Variants in DNAH11 observed in about 807,000 individuals in gnomAD.
The protein encoded by DNAH11 is axonemal beta dynein heavy chain 11.
A neutral mutation model predicts 526.0 loss-of-function variants in DNAH11; 442 were observed. The ratio of observed to expected loss-of-function variants is 0.84; its 90% CI spans 0.78 to 0.91. The LOEUF is 0.91. DNAH11 is among the 40% of genes least tolerant of loss of function. DNAH11 has a pLI of 0.00. For missense variants in DNAH11, 6,989 were observed against 5,448.7 expected, an observed-to-expected ratio of 1.28 and a Z score of -8.90; for synonymous variants, 2,461 against 1,935.9, an observed-to-expected ratio of 1.27 and a Z score of -7.12.
At chr7:21,643,624 T>A (rs1372709574) in intron 28 of DNAH11, among the ~76,000 whole-genome samples, 2 of 152,206 alleles carry the variant, frequency 1.3e-5, no homozygotes, top group African/African-American at 4.8e-5. Flanking sequence ...ATCCAAAAAT[T>A]GATATTTGAT....
At chr7:21,557,952 A>AATG (rs1160705381) in intron 2 of DNAH11, among the ~76,000 whole-genome samples, 1 of 152,176 alleles carries the variant, frequency 6.6e-6, no homozygotes, top group East Asian at 1.9e-4. Flanking sequence ...AGGTAATAAT[A>AATG]ATATTTGGAG....
chr7:21,669,346 T>A (rs1008846304), intron 30 of DNAH11, among the ~76,000 whole-genome samples: 64 of 152,160 alleles, frequency 4.2e-4, no homozygotes, highest in Middle Eastern at 3.2e-3. Context: ...TTAAACATTT[T>A]AAAAATTCTT....
At chr7:21,853,218 G>T (rs1469570951) in intron 67 of DNAH11, among the ~76,000 whole-genome samples, 1 of 152,156 alleles carries the variant, frequency 6.6e-6, no homozygotes, top group Non-Finnish European at 1.5e-5. Flanking sequence ...GTGCACTTTG[G>T]ACTTTCACAG....
In DNAH11 at chr7:21,600,910, C is replaced by G. The variant is rs1785059105; in HGVS notation, c.3235C>G (p.Leu1079Val). Residue 1079 changes from leucine (L) to valine (V), a missense_variant, in exon 16 of 82, where the codon CTT becomes GTT. Coordinates refer to ENST00000409508, the MANE Select transcript of DNAH11 (RefSeq NM_001277115.2). ...AGAAATTCCCGAACAACCACCAACT[C>G]TTGAGCAATTCAAAGAACAGGCAAG... is the stretch of plus-strand genomic sequence containing the variant. The part of the protein sequence containing the change: ...NEEIPEQPPT[L>V]EQFKEQIDIY... The G allele has an allele frequency of 1.2e-6, 2 of 1,613,666 alleles. No homozygotes were observed. The highest frequency in any genetic ancestry group is 1.7e-5 in the Admixed American group (1 of 59,972).
chr7:21,675,510 C>T lies in DNAH11; in HGVS notation c.5329-6036C>T, dbSNP rs566564002. Among the ~76,000 whole-genome samples, 16 of 152,330 alleles carry T rather than the reference C, an allele frequency of 1.1e-4. No individual in the cohort carries two copies. The East Asian group carries it at 1.2e-3, about 11-fold the overall frequency. Reference sequence around the variant, plus strand: ...TTTCTGTGTGCTGTCAGCATACTTTCTACTTGCCCTAGCAAAACAATTTTA... The same window carrying T: ...TTTCTGTGTGCTGTCAGCATACTTTTTACTTGCCCTAGCAAAACAATTTTA... On this transcript the variant is annotated intron_variant, in intron 30 of 81. Coordinates refer to ENST00000409508, the MANE Select transcript of DNAH11 (RefSeq NM_001277115.2).
chr7:21,677,753 G>A (rs1782955724), intron 30 of DNAH11, among the ~76,000 whole-genome samples: 1 of 152,162 alleles, frequency 6.6e-6, no homozygotes, highest in Non-Finnish European at 1.5e-5. Context: ...AAGATCTTTT[G>A]ACTTTTTTAT....
At chr7:21,841,282 A>G (rs1554287362) in intron 65 of DNAH11, among the ~76,000 whole-genome samples, 1 of 152,244 alleles carries the variant, frequency 6.6e-6, no homozygotes, top group Non-Finnish European at 1.5e-5. Context: ...TATTAAATAC[A>G]TACTTAAGAT....
At chr7:21,571,391 C>G (rs530123327) in intron 7 of DNAH11, among the ~76,000 whole-genome samples, 1 of 152,068 alleles carries the variant, frequency 6.6e-6, no homozygotes, top group African/African-American at 2.4e-5. Context: ...GTGATCCTCC[C>G]GCCTCAGCTT....
chr7:21,788,997 A>G (rs1364517000), intron 60 of DNAH11, among the ~76,000 whole-genome samples: 1 of 152,144 alleles, frequency 6.6e-6, no homozygotes, highest in Non-Finnish European at 1.5e-5. Context: ...ACCATGTCTG[A>G]AAAATAACAG....
chr7:21,582,497 A>G (rs1462423865), intron 9 of DNAH11, among the ~76,000 whole-genome samples: 3 of 152,236 alleles, frequency 2.0e-5, no homozygotes, highest in Non-Finnish European at 4.4e-5. Flanking sequence ...ATTTTGTGTA[A>G]CAATAAAAAA....
chr7:21,686,764 T>C (rs1040845662), intron 32 of DNAH11, among the ~76,000 whole-genome samples: 1 of 152,196 alleles, frequency 6.6e-6, no homozygotes, highest in African/African-American at 2.4e-5. Flanking sequence ...TTGGATGTTG[T>C]CTGCCATATT....
intron 18 of DNAH11, among the ~76,000 whole-genome samples, chr7:21,605,390 A>C (rs548500373): frequency 6.6e-6 from 1 of 152,344 alleles, no homozygotes; most frequent in Admixed American, 6.5e-5. Context: ...ATGCTTTTCA[A>C]CAGTAATTAT....
intron 30 of DNAH11, among the ~76,000 whole-genome samples, chr7:21,661,467 T>C (rs1782240537): frequency 6.6e-6 from 1 of 152,090 alleles, no homozygotes. Flanking sequence ...ACCTGAAAAA[T>C]ATTTTTCCAT....
In DNAH11 at chr7:21,588,170, G is replaced by A. The variant is rs781183805; in HGVS notation, c.1817G>A (p.Cys606Tyr). The change falls in exon 10 of 82, where the codon TGT becomes TAT. Residue 606 changes from cysteine to tyrosine, a missense_variant. Transcript: ENST00000409508. ...ATGTTTAATACAGAGCTGGATGTGT[G>A]TAAGCAACTGTATAATGAACACATG... is the stretch of plus-strand genomic sequence containing the variant. Reference protein sequence around the residue: ...VHMFNTELDVCKQLYNEHMKQ... With the variant: ...VHMFNTELDVYKQLYNEHMKQ... 8.1e-6 allele frequency: 13 copies of A among 1,612,954 alleles called. No homozygotes were observed. Among genetic ancestry groups the A allele is most frequent in the Admixed American group, 1.7e-5 (1 of 59,874 alleles).
intron 65 of DNAH11, among the ~76,000 whole-genome samples, chr7:21,834,006 C>T (rs1004124745): frequency 6.6e-6 from 1 of 152,140 alleles, no homozygotes; most frequent in Admixed American, 6.5e-5. Context: ...AAATGGACCT[C>T]ACAGACGTTT....
At chr7:21,685,013 A>G (rs1783311360) in intron 32 of DNAH11, among the ~76,000 whole-genome samples, 1 of 152,226 alleles carries the variant, frequency 6.6e-6, no homozygotes, top group African/African-American at 2.4e-5. Flanking sequence ...TAGTCCTGAG[A>G]GGCTGGTAGG....
chr7:21,748,479 T>C lies in DNAH11; in HGVS notation c.8511-101T>C, dbSNP rs984119231. 4.8e-6 allele frequency: 6 copies of C among 1,249,342 alleles called. No individual in the cohort carries two copies. The African/African-American group carries it at 6.2e-5, about 13-fold the overall frequency. The allele number at this position is 1,249,342 out of a possible 1,614,324, so 77.4% of individuals were successfully genotyped here. The stretch of plus-strand genomic sequence containing the variant: ...ACTCCGGCCTGGGCAACAGAGCAAG[T>C]CTCCATCTCAAAAGCAAATAAATAA... On this transcript the variant is annotated intron_variant, in intron 51 of 81. Coordinates refer to ENST00000409508, the MANE Select transcript of DNAH11 (RefSeq NM_001277115.2).
Position 21,590,947 on chromosome 7 carries a change from T to A in DNAH11, c.2199T>A (p.Tyr733Ter). 6.7e-7 allele frequency: 1 copy of A among 1,498,578 alleles called. No homozygotes were observed. Among genetic ancestry groups the A allele is most frequent in the Non-Finnish European group, 8.8e-7 (1 of 1,133,762 alleles). The allele number at this position is 1,498,578 out of a possible 1,614,324, so 92.8% of individuals were successfully genotyped here. Residue 733 changes from tyrosine (Y) to a stop codon, truncating the protein, a stop_gained, in exon 13 of 82, where the codon TAT becomes TAA. Transcript: ENST00000409508. LOFTEE classifies it high-confidence loss of function. Reference sequence around the variant, plus strand: ...TGGCTGTATTGAGAGAAGTGAAATATCTTTTGATGTTGAAGAAACAAGACA... The same window carrying A: ...TGGCTGTATTGAGAGAAGTGAAATAACTTTTGATGTTGAAGAAACAAGACA... ...KLVAVLREVKYLLMLKKQDIP... is the reference protein window; with the variant it reads ...KLVAVLREVK
chr7:21,697,345 T>C (rs1783899837), intron 35 of DNAH11, among the ~76,000 whole-genome samples: 1 of 152,116 alleles, frequency 6.6e-6, no homozygotes, highest in Admixed American at 6.6e-5. Context: ...TAAAAGTCTA[T>C]CCCAGTTGGT....
Sources: allele counts gnomAD v4.1 joint callset (sites outside exome capture counted in the v4.1 genomes callset), GRCh38; gene constraint gnomAD v4.1.1; transcripts MANE v1.5; gene names NCBI Gene and HGNC (gene_info 2026-07-23, HGNC 2026-07-21).